Variants in RFC2 observed in about 807,000 individuals in gnomAD.
The protein encoded by RFC2 is replication factor C subunit 2.
A neutral mutation model predicts 44.8 loss-of-function variants in RFC2; 34 were observed. The ratio of observed to expected loss-of-function variants is 0.76; its 90% CI spans 0.58 to 1.01. RFC2 has a LOEUF of 1.01. RFC2 is among the 50% of genes least tolerant of loss of function. The probability of loss-of-function intolerance (pLI) is 0.00; values close to 1 mark genes in which losing one functional copy is unlikely to be tolerated. For missense variants in RFC2, 400 were observed against 453.6 expected, an observed-to-expected ratio of 0.88 and a Z score of 1.07; for synonymous variants, 177 against 168.9, an observed-to-expected ratio of 1.05 and a Z score of -0.37.
At chr7:74,249,434 G>A (rs1803806685) in intron 3 of RFC2, among the ~76,000 whole-genome samples, 1 of 152,062 alleles carries the variant, frequency 6.6e-6, no homozygotes, top group Non-Finnish European at 1.5e-5. Flanking sequence ...CCAGCTAGTC[G>A]GGAGGCTGAG....
chr7:74,239,087 T>TCCTGGGCTTAAGCGATTCTCCCA lies in RFC2; in HGVS notation c.694-122_694-100dup. On this transcript the variant is annotated intron_variant, in intron 7 of 10. Coordinates refer to ENST00000055077, the MANE Select transcript of RFC2 (RefSeq NM_181471.3). Reference sequence around the variant, plus strand: ...TATGTTGCCCAGGCTGGTCTCGAACTCCTGGGCTTAAGCGATTCTCCCACC... The same window carrying TCCTGGGCTTAAGCGATTCTCCCA: ...TATGTTGCCCAGGCTGGTCTCGAACTCCTGGGCTTAAGCGATTCTCCCACCTGGGCTTAAGCGATTCTCCCACC... 3 of 940,062 alleles carry TCCTGGGCTTAAGCGATTCTCCCA rather than the reference T, an allele frequency of 3.2e-6. No individual in the cohort carries two copies. The South Asian group carries it at 4.3e-5, about 14-fold the overall frequency. The allele number at this position is 940,062 out of a possible 1,614,324, so 58.2% of individuals were successfully genotyped here. A position where few individuals can be genotyped will look rare whatever the true frequency, so the allele number is the denominator to read the frequency against.
chr7:74,238,856 A>G lies in RFC2; in HGVS notation c.759+67T>C. ...GTCCCCACTGCCAGCCCAGCCCTTC[A>G]GCCCCACTGGCCCCCACAGGGAAGC... is the stretch of plus-strand genomic sequence containing the variant. On this transcript the variant is annotated intron_variant, in intron 8 of 10. Coordinates refer to ENST00000055077, the MANE Select transcript of RFC2 (RefSeq NM_181471.3). The surrounding 1 kb of genome is among the most constrained non-coding windows in gnomAD (Gnocchi z 4.0). The G allele has an allele frequency of 7.5e-7, 1 of 1,329,482 alleles. No homozygotes were observed. Among genetic ancestry groups the G allele is most frequent in the East Asian group, 2.3e-5 (1 of 43,394 alleles). 82.4% of individuals were successfully genotyped at this position (1,329,482 alleles called of 1,614,324 possible). A position where few individuals can be genotyped will look rare whatever the true frequency, so the allele number is the denominator to read the frequency against.
Position 74,250,566 on chromosome 7 carries a change from C to T in RFC2, c.184-786G>A, listed in dbSNP as rs1386016681. On this transcript the variant is annotated intron_variant, in intron 2 of 10. Transcript: ENST00000055077. ...GCCATCATCTTGGTTTGGCCTCATC[C>T]TCACCCTGAGTACTTCAATAACCAG... 2.6e-5 allele frequency among the ~76,000 whole-genome samples: 4 copies of T among 152,140 alleles called. No homozygotes were observed. In the East Asian group the frequency reaches 7.7e-4, roughly 29 times the overall value.
intron 5 of RFC2, among the ~76,000 whole-genome samples, chr7:74,245,645 G>A (rs1482661365): frequency 6.6e-6 from 1 of 150,664 alleles, no homozygotes; most frequent in African/African-American, 2.5e-5. Context: ...CCCAGAAGGT[G>A]GAGCTTGCAG....
intron 2 of RFC2, among the ~76,000 whole-genome samples, chr7:74,251,330 C>G (rs140241062): frequency 1.3e-5 from 2 of 152,270 alleles, no homozygotes; most frequent in African/African-American, 4.8e-5. Context: ...TCAGACTCTA[C>G]AGGCATGTGC....
Position 74,240,098 on chromosome 7 carries a change from G to A in RFC2, c.536-3C>T, listed in dbSNP as rs782547773. 6.2e-7 allele frequency: 1 copy of A among 1,613,224 alleles called. No homozygotes were observed. Among genetic ancestry groups the A allele is most frequent in the South Asian group, 1.1e-5 (1 of 91,008 alleles). On this transcript the variant is annotated splice_region_variant and splice_polypyrimidine_tract_variant and intron_variant, in intron 6 of 10. Coordinates refer to ENST00000055077, the MANE Select transcript of RFC2 (RefSeq NM_181471.3). Reference sequence around the variant, plus strand: ...TGCACAGCGGGACTGAATGGGCTCTGAACAGAGACGGGACAGTAGTGAGGC... The same window carrying A: ...TGCACAGCGGGACTGAATGGGCTCTAAACAGAGACGGGACAGTAGTGAGGC...
chr7:74,248,230 G>A (rs1803733614), intron 4 of RFC2, among the ~76,000 whole-genome samples: 2 of 151,866 alleles, frequency 1.3e-5, no homozygotes, highest in Non-Finnish European at 2.9e-5. Flanking sequence ...ACATCCCAGT[G>A]TAGTGGCTCA....
At chr7:74,241,187 T>A (rs1326745912) in intron 6 of RFC2, among the ~76,000 whole-genome samples, 1 of 152,184 alleles carries the variant, frequency 6.6e-6, no homozygotes, top group Non-Finnish European at 1.5e-5. Context: ...TGCCTCGGCC[T>A]CCCAAAGTGC....
At chr7:74,249,667 A>T (rs187088748) in intron 3 of RFC2, 72 bp downstream of exon 3, 37 of 1,275,342 alleles carry the variant, frequency 2.9e-5, no homozygotes, top group Non-Finnish European at 4.1e-5. Context: ...AGCGCTGTGC[A>T]CAAGAAAGCA....
intron 9 of RFC2, 122 bp downstream of exon 9, chr7:74,237,240 A>G (rs1417918203): frequency 6.3e-6 from 4 of 637,770 alleles, no homozygotes; most frequent in East Asian, 2.9e-5. Context: ...CAGTCTCCCA[A>G]GTAAGATTTC....
At chr7:74,237,909 A>C (rs527593024) in intron 8 of RFC2, among the ~76,000 whole-genome samples, 166 of 152,268 alleles carry the variant, frequency 1.1e-3, no homozygotes, top group Admixed American at 1.8e-3. Flanking sequence ...CTACTCCAGC[A>C]GGCAGGTGCA....
intron 7 of RFC2, 82 bp from the exon 8 acceptor site, chr7:74,239,070 C>T: frequency 3.5e-6 from 4 of 1,156,452 alleles, no homozygotes; most frequent in Middle Eastern, 1.9e-4. Flanking sequence ...GCTATGTTGC[C>T]CAGGCTGGTC....
At chr7:74,236,038 T>C (rs958117059) in intron 9 of RFC2, among the ~76,000 whole-genome samples, 17 of 152,290 alleles carry the variant, frequency 1.1e-4, no homozygotes, top group African/African-American at 3.9e-4. Flanking sequence ...GCTCTTAAAA[T>C]GCTTTATTAA....
Position 74,235,625 on chromosome 7 carries a change from A to T in RFC2, c.861T>A (p.His287Gln), listed in dbSNP as rs1554718180. Residue 287 changes from histidine (H) to glutamine (Q), a missense_variant, in exon 10 of 11, where the codon CAT becomes CAA. Transcript: ENST00000055077. The stretch of plus-strand genomic sequence containing the variant: ...TGATATCTTCTGGTGAGTAGCCCAG[A>T]TGCCACAAGTGAGCAAGAATCTAGA... The part of the protein sequence containing the change: ...EAYKILAHLW[H>Q]LGYSPEDIIG... 1 of 1,612,866 alleles carries T rather than the reference A, an allele frequency of 6.2e-7. No individual in the cohort carries two copies. The highest frequency in any genetic ancestry group is 8.5e-7 in the Non-Finnish European group (1 of 1,178,828).
At chr7:74,242,510 T>C (rs1803388571) in intron 6 of RFC2, among the ~76,000 whole-genome samples, 1 of 152,162 alleles carries the variant, frequency 6.6e-6, no homozygotes, top group Admixed American at 6.6e-5. Context: ...AACATGTGCA[T>C]AATATATACA....
chr7:74,238,722 G>A lies in RFC2; in HGVS notation c.759+201C>T, dbSNP rs1554718720. 1.3e-5 allele frequency among the ~76,000 whole-genome samples: 2 copies of A among 152,122 alleles called. No individual in the cohort carries two copies. Among genetic ancestry groups the A allele is most frequent in the African/African-American group, 2.4e-5 (1 of 41,420 alleles). On this transcript the variant is annotated intron_variant, in intron 8 of 10. Transcript: ENST00000055077. This position sits in a 1 kb window ranked among gnomAD's most constrained non-coding sequence, Gnocchi z 4.0. ...CCCTCACCTACCACACACAAGTGAC[G>A]TTCCAGGTCCCCCGAAACTCTCCAG... is the stretch of plus-strand genomic sequence containing the variant.
chr7:74,233,273 G>A (rs1802826388), intron 10 of RFC2, among the ~76,000 whole-genome samples: 1 of 152,162 alleles, frequency 6.6e-6, no homozygotes. Flanking sequence ...AGCACTTTGG[G>A]AGGCCGAGGC....
chr7:74,252,239 C>T (rs1244500126), intron 2 of RFC2, among the ~76,000 whole-genome samples, 190 bp downstream of exon 2: 2 of 151,124 alleles, frequency 1.3e-5, no homozygotes, highest in Non-Finnish European at 2.9e-5. Context: ...AACCCCGTCT[C>T]TACTAAAAAT....
chr7:74,234,085 C>CTG (rs1274562828), intron 10 of RFC2, among the ~76,000 whole-genome samples: 2 of 152,158 alleles, frequency 1.3e-5, no homozygotes, highest in Non-Finnish European at 2.9e-5. Flanking sequence ...GATAAGCAAA[C>CTG]TGTGGTACAC....
Sources: allele counts gnomAD v4.1 joint callset (sites outside exome capture counted in the v4.1 genomes callset), GRCh38; gene constraint gnomAD v4.1.1; non-coding constraint Gnocchi (gnomAD v3.1); transcripts MANE v1.5; gene names NCBI Gene and HGNC (gene_info 2026-07-23, HGNC 2026-07-21).